The following SIM1 variants were observed in gnomAD, a reference collection of about 807,000 sequenced individuals.
The protein encoded by SIM1 is SIM bHLH transcription factor 1.
A neutral mutation model predicts 78.2 loss-of-function variants in SIM1; 18 were observed. The ratio of observed to expected loss-of-function variants is 0.23; its 90% CI spans 0.16 to 0.34. SIM1 has a LOEUF of 0.34. SIM1 is among the 10% of genes least tolerant of loss of function. SIM1 has a pLI of 1.00. For missense variants in SIM1, 939 were observed against 975.1 expected (o/e 0.96, Z 0.49); for synonymous variants, 417 against 385.2 (o/e 1.08, Z -0.97).
At position 100,450,287 on chromosome 6, in the gene SIM1, C is replaced by T; in HGVS notation, c.328G>A (p.Val110Ile). 1.9e-6 allele frequency: 3 copies of T among 1,614,102 alleles called. No homozygotes were observed. Among genetic ancestry groups the T allele is most frequent in the Non-Finnish European group, 2.5e-6 (3 of 1,180,020 alleles). ...KIMYISETASVHLGLSQVELT... is the reference protein window; with the variant it reads ...KIMYISETASIHLGLSQVELT... ...CCTACCTGAGAAAGACCCAAGTGGA[C>T]TGAGGCTGTCTCTGAGATGTACATG... Residue 110 changes from valine (V) to isoleucine (I), a missense_variant, in exon 4 of 12, where the codon GTC (valine) becomes ATC (isoleucine). Coordinates refer to ENST00000369208, the MANE Select transcript of SIM1 (RefSeq NM_005068.3).
chr6:100,392,981 A>G (rs965745637), intron 11 of SIM1, among the ~76,000 whole-genome samples: 2 of 152,186 alleles, frequency 1.3e-5, no homozygotes, highest in African/African-American at 4.8e-5. Context: ...GGGTTGTCAT[A>G]ATGATGGGGG....
intron 7 of SIM1, 44 bp from the exon 8 acceptor site, chr6:100,448,296 A>G: frequency 6.6e-7 from 1 of 1,507,838 alleles, no homozygotes. Flanking sequence ...GCGCGGGTGC[A>G]GGGATGCCCT....
At position 100,463,698 on chromosome 6, in the gene SIM1, TGATCCACCGAATTTGGGC is replaced by T. The variant is rs1315467380; in HGVS notation, c.-248_-231del. On this transcript the variant is annotated 5_prime_UTR_variant, in exon 2 of 12. Coordinates refer to ENST00000369208, the MANE Select transcript of SIM1 (RefSeq NM_005068.3). ...TCGGGATGCAGTATAGGAAAGTTGC[TGATCCACCGAATTTGGGC>T]GATCCACCGAATTTGGGCAATCCTG... is the stretch of plus-strand genomic sequence containing the variant. 9 of 393,714 alleles carry T rather than the reference TGATCCACCGAATTTGGGC, an allele frequency of 2.3e-5. No homozygotes were observed. The highest frequency in any genetic ancestry group is 1.0e-4 in the African/African-American group (5 of 49,588). 24.4% of individuals were successfully genotyped at this position (393,714 alleles called of 1,614,324 possible).
At chr6:100,400,084 A>C (rs1347708250) in intron 10 of SIM1, among the ~76,000 whole-genome samples, 1 of 152,092 alleles carries the variant, frequency 6.6e-6, no homozygotes, top group African/African-American at 2.4e-5. Flanking sequence ...ATATTTATGC[A>C]CCAAATAACA....
Position 100,419,681 on chromosome 6 carries a change from G to A in SIM1, c.1167+1109C>T, listed in dbSNP as rs991078930. The stretch of plus-strand genomic sequence containing the variant: ...TTTTTTGAGATAGAGTCTCACTGTC[G>A]CCCAGCCTGGAGTGCAATGGTGCGA... On this transcript the variant is annotated intron_variant, in intron 10 of 11. Coordinates refer to ENST00000369208, the MANE Select transcript of SIM1 (RefSeq NM_005068.3). 2.6e-5 allele frequency among the ~76,000 whole-genome samples: 4 copies of A among 151,978 alleles called. No homozygotes were observed. The South Asian group carries it at 6.2e-4, about 24-fold the overall frequency.
At chr6:100,445,727 C>T (rs1370284401) in intron 9 of SIM1, among the ~76,000 whole-genome samples, 4 of 152,106 alleles carry the variant, frequency 2.6e-5, no homozygotes, top group Non-Finnish European at 5.9e-5. Context: ...CACCAGAGAA[C>T]AGAGTGTATG....
chr6:100,457,988 C>G (rs987886932), intron 2 of SIM1, among the ~76,000 whole-genome samples: 2 of 147,982 alleles, frequency 1.4e-5, no homozygotes, highest in Non-Finnish European at 3.0e-5. Context: ...AAGGTCACAC[C>G]GCTGTCTGTC....
At chr6:100,391,945 G>T (rs1299601955) in intron 11 of SIM1, among the ~76,000 whole-genome samples, 2 of 152,180 alleles carry the variant, frequency 1.3e-5, no homozygotes, top group African/African-American at 4.8e-5. Context: ...GGCCCAGGTG[G>T]ATGGATTACC....
In SIM1 at chr6:100,393,745, G is replaced by C. The variant is rs770157245; in HGVS notation, c.1312C>G (p.Gln438Glu). ...CAGAGAGAGCTGCGGTCCGAAAACT[G>C]TCTGTAGGCGCACGATGCGTCGTGC... ...SQHDASCAYR[Q>E]FSDRSSLCYG... is the part of the protein sequence containing the mutation. Residue 438 changes from glutamine to glutamate, a missense_variant, in exon 11 of 12, where the codon CAG becomes GAG. By Grantham distance (29) the Gln-to-Glu change is conservative (BLOSUM62 2). Coordinates refer to ENST00000369208, the MANE Select transcript of SIM1 (RefSeq NM_005068.3). 1.2e-5 allele frequency: 19 copies of C among 1,614,138 alleles called. No individual in the cohort carries two copies. The highest frequency in any genetic ancestry group is 3.3e-5 in the Admixed American group (2 of 60,008).
intron 10 of SIM1, among the ~76,000 whole-genome samples, chr6:100,405,731 C>T (rs920670955): frequency 6.6e-6 from 1 of 152,038 alleles, no homozygotes; most frequent in Non-Finnish European, 1.5e-5. Context: ...TAATCCACCC[C>T]ACCCCCCAAA....
chr6:100,447,179 C>G, intron 9 of SIM1, 89 bp downstream of exon 9: 1 of 1,486,272 alleles, frequency 6.7e-7, no homozygotes. Flanking sequence ...TGGCCCGAGC[C>G]TTGTCTAACC....
intron 9 of SIM1, among the ~76,000 whole-genome samples, chr6:100,441,544 A>C (rs891603519): frequency 7.9e-5 from 12 of 152,244 alleles, no homozygotes; most frequent in African/African-American, 2.9e-4. Context: ...TCTTTTGTTT[A>C]GCAAAAACAT....
chr6:100,455,576 G>A (rs963458901), intron 2 of SIM1, among the ~76,000 whole-genome samples: 2 of 152,250 alleles, frequency 1.3e-5, no homozygotes, highest in African/African-American at 4.8e-5. Flanking sequence ...GGCTGCGGAG[G>A]CCACACGGGG....
intron 4 of SIM1, 76 bp from the exon 5 acceptor site, chr6:100,449,775 A>G: frequency 8.1e-7 from 1 of 1,233,722 alleles, no homozygotes; most frequent in Non-Finnish European, 1.2e-6. Context: ...AGGCCAGGGG[A>G]TCTGCAGGAC....
chr6:100,390,870 C>T lies in SIM1; in HGVS notation c.1792G>A (p.Ala598Thr). ...AAACACAGGGAGTGTTTTTTCCCAG[C>T]CCCATTAATGGAAGCCAGTTGGTCT... ...PSDQLASING[A>T]GKKHSLCFAN... is the part of the protein sequence containing the mutation. The change falls in exon 12 of 12, where the codon GCT becomes ACT. Residue 598 changes from alanine to threonine, a missense_variant. By Grantham distance (58) the Ala-to-Thr change is moderately conservative (BLOSUM62 0). Coordinates refer to ENST00000369208, the MANE Select transcript of SIM1 (RefSeq NM_005068.3). 1 of 1,614,124 alleles carries T rather than the reference C, an allele frequency of 6.2e-7. No individual in the cohort carries two copies. Among genetic ancestry groups the T allele is most frequent in the Non-Finnish European group, 8.5e-7 (1 of 1,180,010 alleles).
In SIM1 at chr6:100,410,367, C is replaced by T. The variant is rs1771162402; in HGVS notation, c.1167+10423G>A. ...ACTTCCATTAAGCCAGAAGCAGAGG[C>T]TTCCCATTTGATTTAGCACAGTTGC... On this transcript the variant is annotated intron_variant, in intron 10 of 11. Coordinates refer to ENST00000369208, the MANE Select transcript of SIM1 (RefSeq NM_005068.3). Among the ~76,000 whole-genome samples the T allele has an allele frequency of 2.6e-5, 4 of 152,358 alleles. No homozygotes were observed. The South Asian group carries it at 8.3e-4, about 32-fold the overall frequency.
chr6:100,412,207 T>C (rs144245443), intron 10 of SIM1, among the ~76,000 whole-genome samples: 2 of 151,776 alleles, frequency 1.3e-5, no homozygotes, highest in East Asian at 3.9e-4. Context: ...ACACGGGCAA[T>C]GGGGGAAAGA....
chr6:100,441,002 C>A (rs1278785520), intron 9 of SIM1, among the ~76,000 whole-genome samples: 3 of 152,140 alleles, frequency 2.0e-5, no homozygotes, highest in African/African-American at 7.2e-5. Context: ...TATATGGGTG[C>A]CTGCCTTCAT....
At chr6:100,459,333 G>A (rs111310503) in intron 2 of SIM1, among the ~76,000 whole-genome samples, 3,402 of 152,152 alleles carry the variant, frequency 0.022, 49 homozygotes, top group East Asian at 0.043. Flanking sequence ...TGCTCTGCAC[G>A]GAGTTTAGTT....
Sources: gnomAD v4.1 joint callset for allele counts (sites outside exome capture counted in the v4.1 genomes callset) on GRCh38, gnomAD v4.1.1 for gene constraint, MANE v1.5 for transcripts, NCBI Gene and HGNC (gene_info 2026-07-23, HGNC 2026-07-21) for gene names.